The following CEP112 variants were observed in gnomAD, a reference collection of about 807,000 sequenced individuals.
The protein encoded by CEP112 is centrosomal protein 112.
CEP112 carries 127 observed loss-of-function variants against 153.0 expected under a neutral mutation model. That is an observed-to-expected ratio of 0.83 (90% CI 0.72 to 0.96). CEP112 has a LOEUF of 0.96. Among genes scored for constraint, CEP112 ranks in the 40% least tolerant of loss-of-function variants. The pLI is 0.00. For synonymous variants in CEP112, 358 were observed against 374.4 expected (o/e 0.96, Z 0.51); for missense variants, 1,089 against 1,101.2 (o/e 0.99, Z 0.16).
chr17:65,796,865 T>G (rs1598611128), intron 21 of CEP112, among the ~76,000 whole-genome samples: 1 of 113,074 alleles, frequency 8.8e-6, no homozygotes, highest in South Asian at 3.0e-4. Flanking sequence ...AAACCCCATC[T>G]CTACAAAAAA....
At chr17:66,031,401 T>C (rs1291273166) in intron 12 of CEP112, among the ~76,000 whole-genome samples, 6 of 152,094 alleles carry the variant, frequency 3.9e-5, no homozygotes, top group Non-Finnish European at 7.4e-5. Context: ...TATTCTATTA[T>C]TGGCAATAAA....
intron 17 of CEP112, among the ~76,000 whole-genome samples, chr17:65,981,754 T>C (rs1017325083): frequency 2.6e-5 from 4 of 152,152 alleles, no homozygotes; most frequent in Non-Finnish European, 5.9e-5. Flanking sequence ...TTTGTATTTT[T>C]AGTAGAGACG....
At chr17:66,064,899 A>G (rs1294258551) in intron 10 of CEP112, among the ~76,000 whole-genome samples, 1 of 152,200 alleles carries the variant, frequency 6.6e-6, no homozygotes, top group Non-Finnish European at 1.5e-5. Context: ...GCTTTTACCA[A>G]CATTTAAGGG....
At chr17:66,170,892 T>C (rs2146836186) in intron 4 of CEP112, among the ~76,000 whole-genome samples, 1 of 152,282 alleles carries the variant, frequency 6.6e-6, no homozygotes, top group East Asian at 1.9e-4. Context: ...AAGATTATCT[T>C]AAACCAAGAA....
At chr17:65,702,048 A>T (rs113719357) in intron 23 of CEP112, among the ~76,000 whole-genome samples, 12,849 of 151,606 alleles carry the variant, frequency 0.085, 739 homozygotes, top group Admixed American at 0.18. Flanking sequence ...GCTAGTTTTT[A>T]TATTTTTAGT....
chr17:66,120,317 C>T (rs539317392), intron 6 of CEP112, among the ~76,000 whole-genome samples: 27 of 152,176 alleles, frequency 1.8e-4, no homozygotes, highest in South Asian at 8.3e-4. Context: ...TCTCCTGCTT[C>T]GGCCTCCCAT....
At chr17:66,049,571 A>G (rs34034833) in intron 12 of CEP112, among the ~76,000 whole-genome samples, 62,462 of 151,978 alleles carry the variant, frequency 0.41, 14,299 homozygotes, top group East Asian at 0.87. Flanking sequence ...CCAACATGGC[A>G]AAACTCCATC....
intron 24 of CEP112, among the ~76,000 whole-genome samples, chr17:65,669,525 G>A (rs2046860191): frequency 6.6e-6 from 1 of 152,170 alleles, no homozygotes; most frequent in Non-Finnish European, 1.5e-5. Context: ...GTAGGGAATA[G>A]ATACCAGAAA....
intron 4 of CEP112, among the ~76,000 whole-genome samples, chr17:66,172,924 C>T (rs1167258022): frequency 2.0e-5 from 3 of 152,052 alleles, no homozygotes; most frequent in African/African-American, 7.2e-5. Context: ...TCTGTCTCTC[C>T]CCTTCTGTTT....
chr17:65,718,192 G>A (rs1382839656), intron 23 of CEP112, among the ~76,000 whole-genome samples: 1 of 152,062 alleles, frequency 6.6e-6, no homozygotes, highest in Non-Finnish European at 1.5e-5. Flanking sequence ...GATCACCTGA[G>A]GTCAGGAGTT....
intron 2 of CEP112, among the ~76,000 whole-genome samples, 156 bp downstream of exon 2, chr17:66,183,038 C>T (rs554563955): frequency 6.6e-6 from 1 of 152,066 alleles, no homozygotes; most frequent in Non-Finnish European, 1.5e-5. Flanking sequence ...GTCTATCTAC[C>T]CTTGAACAAC....
intron 6 of CEP112, among the ~76,000 whole-genome samples, chr17:66,114,440 C>T (rs1036016606): frequency 9.9e-5 from 15 of 152,078 alleles, no homozygotes; most frequent in Non-Finnish European, 2.1e-4. Flanking sequence ...TTAAAAGGCA[C>T]TTTATCTGAT....
chr17:65,803,071 A>C (rs1362028547), intron 21 of CEP112, among the ~76,000 whole-genome samples: 1 of 152,258 alleles, frequency 6.6e-6, no homozygotes, highest in African/African-American at 2.4e-5. Context: ...CTAACATGTG[A>C]GATATCCAGG....
chr17:65,883,735 T>C (rs1347455425), intron 20 of CEP112, among the ~76,000 whole-genome samples: 1 of 152,168 alleles, frequency 6.6e-6, no homozygotes, highest in Non-Finnish European at 1.5e-5. Flanking sequence ...TCTAACCCAA[T>C]GTACATTTTG....
At chr17:66,119,542 G>T (rs959214603) in intron 6 of CEP112, among the ~76,000 whole-genome samples, 2 of 152,032 alleles carry the variant, frequency 1.3e-5, no homozygotes, top group African/African-American at 4.8e-5. Flanking sequence ...CCACTTTATT[G>T]TGTGATTTGA....
chr17:66,083,845 G>A (rs556184267), intron 8 of CEP112, among the ~76,000 whole-genome samples: 29 of 152,190 alleles, frequency 1.9e-4, no homozygotes, highest in South Asian at 1.2e-3. Flanking sequence ...GTGACTGAGC[G>A]AGACTCCATG....
intron 21 of CEP112, among the ~76,000 whole-genome samples, chr17:65,844,070 T>G (rs1473658570): frequency 1.3e-5 from 2 of 152,126 alleles, no homozygotes; most frequent in Non-Finnish European, 2.9e-5. Context: ...GAAAAAGACA[T>G]GAACAGGCAA....
intron 18 of CEP112, among the ~76,000 whole-genome samples, chr17:65,936,895 C>G (rs1447952586): frequency 8.0e-5 from 12 of 150,368 alleles, no homozygotes; most frequent in Admixed American, 2.0e-4. Context: ...GCCACCGTCT[C>G]GGCTCACTGC....
chr17:65,943,498 G>A (rs58433709), intron 18 of CEP112, among the ~76,000 whole-genome samples: 9,835 of 152,168 alleles, frequency 0.065, 464 homozygotes, highest in African/African-American at 0.12. Flanking sequence ...GAAATTCTGG[G>A]TTGGAAATTC....
Sources: gnomAD v4.1 joint callset for allele counts (sites outside exome capture counted in the v4.1 genomes callset) on GRCh38, gnomAD v4.1.1 for gene constraint, MANE v1.5 for transcripts, NCBI Gene and HGNC (gene_info 2026-07-23, HGNC 2026-07-21) for gene names.